The following SH3TC2 variants were observed in gnomAD, a reference collection of about 807,000 sequenced individuals.
SH3TC2 encodes the protein SH3 domain and tetratricopeptide repeats 2.
In SH3TC2, 87 loss-of-function variants were observed where a neutral mutation model predicts 124.5. The observed-to-expected ratio is 0.70, with a 90% CI of 0.59 to 0.84. The LOEUF is 0.84. SH3TC2 is among the 40% of genes least tolerant of loss of function. SH3TC2 has a pLI of 0.00. For missense variants in SH3TC2, 1,536 were observed against 1,566.4 expected, an observed-to-expected ratio of 0.98 and a Z score of 0.33; for synonymous variants, 634 against 628.5, an observed-to-expected ratio of 1.01 and a Z score of -0.13.
rs1235638208 is a variant in SH3TC2, at chr5:149,041,520, C to G, written c.627G>C (p.Lys209Asn). ...CCAACTCGGAGCCAGCTTCTGCCAT[C>G]TTCACTGAGATTAACTCATTCTTGC... ...TLCKNELISV[K>N]MAEAGSELEG... Residue 209 changes from lysine to asparagine, a missense_variant, in exon 6 of 17, where the codon AAG (lysine) becomes AAC (asparagine). Transcript: ENST00000515425. 1 of 1,614,242 alleles carries G rather than the reference C, an allele frequency of 6.2e-7. No homozygotes were observed. Among genetic ancestry groups the G allele is most frequent in the South Asian group, 1.1e-5 (1 of 91,086 alleles).
chr5:149,016,589 C>T (rs1286617033), intron 12 of SH3TC2, among the ~76,000 whole-genome samples: 1 of 152,110 alleles, frequency 6.6e-6, no homozygotes, highest in Non-Finnish European at 1.5e-5. Context: ...TAAAACGTAG[C>T]ACTTTTTTCA....
Position 148,999,916 on chromosome 5 carries a change from G to A in SH3TC2, c.*4795C>T, listed in dbSNP as rs1753569113. ...AGCCTCACTGCACTCAGAGTGACCT[G>A]TTCTCAGAAAACATCACCCCCTGTC... On this transcript the variant is annotated 3_prime_UTR_variant, in exon 17 of 17. Coordinates refer to ENST00000515425, the MANE Select transcript of SH3TC2 (RefSeq NM_024577.4). 2.6e-5 allele frequency among the ~76,000 whole-genome samples: 4 copies of A among 152,214 alleles called. No individual in the cohort carries two copies. In the South Asian group the frequency reaches 8.3e-4, roughly 32 times the overall value.
At chr5:149,057,850 A>G (rs984311652) in intron 1 of SH3TC2, among the ~76,000 whole-genome samples, 1 of 152,226 alleles carries the variant, frequency 6.6e-6, no homozygotes, top group African/African-American at 2.4e-5. Flanking sequence ...CCTAGCTCCA[A>G]AAGTGAGCAC....
At chr5:149,007,371 G>C (rs1235750545) in intron 15 of SH3TC2, 18 of 589,268 alleles carry the variant, frequency 3.1e-5, no homozygotes, top group Non-Finnish European at 4.8e-5. Context: ...AGGTTTCCTG[G>C]AGTGATTCCC....
At chr5:149,014,065 G>T (rs1176270562) in intron 12 of SH3TC2, among the ~76,000 whole-genome samples, 1 of 152,272 alleles carries the variant, frequency 6.6e-6, no homozygotes, top group Non-Finnish European at 1.5e-5. Flanking sequence ...ACATATGTTT[G>T]CACAGTACAT....
intron 9 of SH3TC2, among the ~76,000 whole-genome samples, chr5:149,030,687 C>A (rs17708396): frequency 0.014 from 2,127 of 152,350 alleles, 45 homozygotes; most frequent in Non-Finnish European, 0.017. Flanking sequence ...ACATAGCTCT[C>A]AACTCCCTGC....
rs770740695 is a variant in SH3TC2, at chr5:149,041,398, A to G, written c.731+18T>C. The G allele has an allele frequency of 6.2e-7, 1 of 1,611,742 alleles. No homozygotes were observed. Among genetic ancestry groups the G allele is most frequent in the East Asian group, 2.2e-5 (1 of 44,878 alleles). On this transcript the variant is annotated intron_variant, in intron 6 of 16. Transcript: ENST00000515425. ...GTCTGCTCTGGGACTTGCTCCCAGG[A>G]GGCAGATGGCTACTCACTGGTGGAA...
In SH3TC2 at chr5:148,991,770, C is replaced by A. The variant is rs1753423148; in HGVS notation, c.*12941G>T. On this transcript the variant is annotated 3_prime_UTR_variant, in exon 17 of 17. Coordinates refer to ENST00000515425, the MANE Select transcript of SH3TC2 (RefSeq NM_024577.4). ...ATTATACTCACTGGTGTCCAACCTGCCCTGAATCACTCTATACTCACAACA... is the reference window on the plus strand; with the variant it reads ...ATTATACTCACTGGTGTCCAACCTGACCTGAATCACTCTATACTCACAACA... Among the ~76,000 whole-genome samples the A allele has an allele frequency of 6.6e-6, 1 of 152,172 alleles. No individual in the cohort carries two copies. Among genetic ancestry groups the A allele is most frequent in the South Asian group, 2.1e-4 (1 of 4,818 alleles).
At chr5:149,059,000 G>A (rs1291238638) in intron 1 of SH3TC2, among the ~76,000 whole-genome samples, 2 of 152,124 alleles carry the variant, frequency 1.3e-5, no homozygotes, top group Non-Finnish European at 2.9e-5. Context: ...CTGTGGCCCT[G>A]GCAATGAGAA....
At chr5:149,053,288 C>T (rs1315838240) in intron 1 of SH3TC2, among the ~76,000 whole-genome samples, 2 of 152,198 alleles carry the variant, frequency 1.3e-5, no homozygotes, top group African/African-American at 4.8e-5. Context: ...CCTAAATTCT[C>T]ATATTGCTGC....
chr5:149,062,929 C>T, intron 1 of SH3TC2, 42 bp downstream of exon 1: 1 of 1,558,106 alleles, frequency 6.4e-7, no homozygotes, highest in Middle Eastern at 1.7e-4. Context: ...GGACCATCCA[C>T]TTTGGCCAAG....
At chr5:149,023,886 T>C (rs1490135305) in intron 12 of SH3TC2, among the ~76,000 whole-genome samples, 3 of 152,172 alleles carry the variant, frequency 2.0e-5, no homozygotes, top group African/African-American at 7.2e-5. Flanking sequence ...AACTACATAA[T>C]TTTAGAAAAA....
chr5:149,033,279 A>G (rs1401404500), intron 8 of SH3TC2, among the ~76,000 whole-genome samples: 2 of 152,208 alleles, frequency 1.3e-5, no homozygotes, highest in African/African-American at 2.4e-5. Flanking sequence ...GACAAATTGC[A>G]TTAGATATTT....
intron 1 of SH3TC2, chr5:149,062,256 A>G (rs1351511546): frequency 2.1e-6 from 1 of 469,926 alleles, no homozygotes; most frequent in Non-Finnish European, 4.4e-6. Flanking sequence ...CCTGATAAAC[A>G]CCACACAAGA....
intron 1 of SH3TC2, among the ~76,000 whole-genome samples, chr5:149,060,908 ACTATTAAGTTG>A (rs1257120872): frequency 6.6e-6 from 1 of 152,202 alleles, no homozygotes; most frequent in Non-Finnish European, 1.5e-5. Flanking sequence ...AGGTCACACA[ACTATTAAGTTG>A]CTCCAGGATG....
At chr5:149,023,772 A>G (rs1754018293) in intron 12 of SH3TC2, among the ~76,000 whole-genome samples, 1 of 151,956 alleles carries the variant, frequency 6.6e-6, no homozygotes, top group Non-Finnish European at 1.5e-5. Flanking sequence ...TTTGGTAGAG[A>G]TGGGGTTTCA....
At chr5:149,010,535 A>G (rs1753766827) in intron 13 of SH3TC2, 143 bp from the exon 14 acceptor site, 1 of 1,091,640 alleles carries the variant, frequency 9.2e-7, no homozygotes. Context: ...TCACACTCCT[A>G]GGGCTGGTAA....
chr5:149,020,222 T>C (rs1182463464), intron 12 of SH3TC2, among the ~76,000 whole-genome samples: 2 of 152,018 alleles, frequency 1.3e-5, no homozygotes, highest in Non-Finnish European at 2.9e-5. Context: ...GAAGACCACA[T>C]GCATGTACAG....
intron 15 of SH3TC2, 168 bp downstream of exon 15, chr5:149,008,683 G>A (rs1753731825): frequency 3.4e-6 from 3 of 876,012 alleles, no homozygotes; most frequent in African/African-American, 3.3e-5. Context: ...ACAAGCTTGA[G>A]GCTTATAGAA....
Sources: gnomAD v4.1 joint callset for allele counts (sites outside exome capture counted in the v4.1 genomes callset) on GRCh38, gnomAD v4.1.1 for gene constraint, MANE v1.5 for transcripts, NCBI Gene and HGNC (gene_info 2026-07-23, HGNC 2026-07-21) for gene names.